Variants in TGFB1 observed in about 807,000 individuals in gnomAD.
TGFB1 encodes the protein transforming growth factor beta-1 proprotein.
TGFB1 carries 19 observed loss-of-function variants against 43.8 expected under a neutral mutation model. The ratio of observed to expected loss-of-function variants is 0.43; its 90% CI spans 0.30 to 0.64. The LOEUF (loss-of-function observed/expected upper bound fraction) is 0.64, where lower values mean the gene tolerates loss of function less well. TGFB1 is among the 30% of genes least tolerant of loss of function. The pLI is 0.11. For missense variants in TGFB1, 445 were observed against 529.8 expected, an observed-to-expected ratio of 0.84 and a Z score of 1.57; for synonymous variants, 221 against 236.3, an observed-to-expected ratio of 0.94 and a Z score of 0.60.
chr19:41,342,516 A>AT (rs55835439), intron 3 of TGFB1, among the ~76,000 whole-genome samples: 220 of 139,954 alleles, frequency 1.6e-3, no homozygotes, highest in Middle Eastern at 0.011. Flanking sequence ...CGCATGGCTA[A>AT]TTTTTTTTTT....
At position 41,344,152 on chromosome 19, in the gene TGFB1, T is replaced by C. The variant is rs540219940; in HGVS notation, c.634+595A>G. Among the ~76,000 whole-genome samples, 427 of 151,824 alleles carry C rather than the reference T, an allele frequency of 2.8e-3. 3 individuals carry two copies. The highest frequency in any genetic ancestry group is 9.8e-3 in the African/African-American group (404 of 41,340). ...CACGTAACAGCATGCATGGCTAATT[T>C]TTGTATTTTTGTGTAGAGACCGGGT... On this transcript the variant is annotated intron_variant, in intron 3 of 6. Transcript: ENST00000221930.
At chr19:41,342,149 G>A in intron 4 of TGFB1, 21 bp downstream of exon 4, 1 of 1,610,748 alleles carries the variant, frequency 6.2e-7, no homozygotes, top group Non-Finnish European at 8.5e-7. Context: ...AACTGGGCAT[G>A]GCCGGGGAAG....
At position 41,352,682 on chromosome 19, in the gene TGFB1, G is replaced by A. The variant is rs746860580; in HGVS notation, c.355+8C>T. 20 of 1,612,494 alleles carry A rather than the reference G, an allele frequency of 1.2e-5. No individual in the cohort carries two copies. The highest frequency in any genetic ancestry group is 2.2e-5 in the East Asian group (1 of 44,826). On this transcript the variant is annotated splice_region_variant and intron_variant, in intron 1 of 6. Coordinates refer to ENST00000221930, the MANE Select transcript of TGFB1 (RefSeq NM_000660.7). ...CCCCTCCCGGCTCCCCTGCCCCTCC[G>A]AGCTCACCGTTGTGGGTTTCCACCA...
chr19:41,342,955 T>C (rs777413009), intron 3 of TGFB1, among the ~76,000 whole-genome samples: 6 of 150,400 alleles, frequency 4.0e-5, no homozygotes, highest in Non-Finnish European at 8.9e-5. Flanking sequence ...CCAGCATCAA[T>C]CTCTTGAATG....
At chr19:41,346,283 A>G (rs1430018691) in intron 2 of TGFB1, among the ~76,000 whole-genome samples, 3 of 152,092 alleles carry the variant, frequency 2.0e-5, no homozygotes, top group South Asian at 2.1e-4. Context: ...CCAGGAAGCA[A>G]AGGTTGTGGT....
intron 1 of TGFB1, among the ~76,000 whole-genome samples, chr19:41,351,801 G>A (rs1277971262): frequency 9.0e-6 from 1 of 110,706 alleles, no homozygotes; most frequent in Non-Finnish European, 2.0e-5. Context: ...ATCCTGCGGG[G>A]AATGCAGCGT....
chr19:41,331,894 G>A (rs1027147780), intron 6 of TGFB1, among the ~76,000 whole-genome samples: 1 of 150,816 alleles, frequency 6.6e-6, no homozygotes, highest in Non-Finnish European at 1.5e-5. Context: ...CCATCCCTCT[G>A]TTACTTCACT....
At chr19:41,350,175 T>A (rs2038168031) in intron 1 of TGFB1, among the ~76,000 whole-genome samples, 1 of 151,934 alleles carries the variant, frequency 6.6e-6, no homozygotes, top group Non-Finnish European at 1.5e-5. Context: ...AACCCCTAAG[T>A]GATTCTTCTA....
chr19:41,337,148 T>C (rs1398073143), intron 5 of TGFB1, among the ~76,000 whole-genome samples: 1 of 151,892 alleles, frequency 6.6e-6, no homozygotes, highest in Non-Finnish European at 1.5e-5. Flanking sequence ...AATTATTTAT[T>C]TATTTTTTTG....
In TGFB1 at chr19:41,344,727, G is replaced by A. The variant is rs2038096254; in HGVS notation, c.634+20C>T. ...GGACCCCAGGGAGAAACAGGGGTGGGACACACAAGTAATCCTCACCTCCAC... is the reference window on the plus strand; with the variant it reads ...GGACCCCAGGGAGAAACAGGGGTGGAACACACAAGTAATCCTCACCTCCAC... On this transcript the variant is annotated intron_variant, in intron 3 of 6. Transcript: ENST00000221930. 12 of 1,608,404 alleles carry A rather than the reference G, an allele frequency of 7.5e-6. No homozygotes were observed. The East Asian group carries it at 8.9e-5, about 12-fold the overall frequency.
intron 3 of TGFB1, 62 bp from the exon 4 acceptor site, chr19:41,342,309 G>A: frequency 6.5e-7 from 1 of 1,532,144 alleles, no homozygotes. Context: ...CCTGGAGGAA[G>A]AGGAAGGAAG....
chr19:41,348,459 G>A lies in TGFB1; in HGVS notation c.356-4C>T, dbSNP rs2038143184. 1 of 1,612,472 alleles carries A rather than the reference G, an allele frequency of 6.2e-7. No homozygotes were observed. Among genetic ancestry groups the A allele is most frequent in the Non-Finnish European group, 8.5e-7 (1 of 1,179,186 alleles). ...TGCTTGAACTTGTCATAGATTTCTA[G>A]CAGGGAGAAATGAAGGGAGGCGATC... On this transcript the variant is annotated splice_polypyrimidine_tract_variant and splice_region_variant and intron_variant, in intron 1 of 6. Coordinates refer to ENST00000221930, the MANE Select transcript of TGFB1 (RefSeq NM_000660.7).
At position 41,330,746 on chromosome 19, in the gene TGFB1, G is replaced by T; in HGVS notation, c.*306C>A. 1 of 353,364 alleles carries T rather than the reference G, an allele frequency of 2.8e-6. No individual in the cohort carries two copies. Among genetic ancestry groups the T allele is most frequent in the Admixed American group, 4.7e-5 (1 of 21,190 alleles). 21.9% of individuals were successfully genotyped at this position (353,364 alleles called of 1,614,324 possible). ...CAGTGCCCAAGGTGCTCAATAAATA[G>T]ATCTAACTACAGTAGTGTTCCCCAC... On this transcript the variant is annotated 3_prime_UTR_variant, in exon 7 of 7. Coordinates refer to ENST00000221930, the MANE Select transcript of TGFB1 (RefSeq NM_000660.7).
At position 41,331,051 on chromosome 19, in the gene TGFB1, C is replaced by T. The variant is rs971141474; in HGVS notation, c.*1G>A. ...GGGGCGGGGCGGGGCGGGGCGGGAC[C>T]TCAGCTGCACTTGCAGGAGCGCACG... is the stretch of plus-strand genomic sequence containing the variant. On this transcript the variant is annotated 3_prime_UTR_variant, in exon 7 of 7. Coordinates refer to ENST00000221930, the MANE Select transcript of TGFB1 (RefSeq NM_000660.7). The T allele has an allele frequency of 9.7e-6, 15 of 1,554,196 alleles. No homozygotes were observed. In the African/African-American group the frequency reaches 1.8e-4, roughly 18 times the overall value.
intron 6 of TGFB1, 74 bp from the exon 7 acceptor site, chr19:41,331,284 C>T: frequency 7.0e-7 from 1 of 1,421,840 alleles, no homozygotes; most frequent in Non-Finnish European, 9.2e-7. Flanking sequence ...CCCCATCCCC[C>T]ACCCGCTACC....
intron 1 of TGFB1, among the ~76,000 whole-genome samples, chr19:41,350,233 G>T (rs1368970116): frequency 1.3e-5 from 2 of 151,836 alleles, no homozygotes; most frequent in Non-Finnish European, 2.9e-5. Context: ...TCCCCAGCTG[G>T]TTAGGGAAAG....
intron 5 of TGFB1, 39 bp downstream of exon 5, chr19:41,341,844 C>T (rs201842373): frequency 1.9e-6 from 3 of 1,611,846 alleles, no homozygotes; most frequent in Non-Finnish European, 1.7e-6. Flanking sequence ...CAGTCATGCC[C>T]CCAGCCTGGA....
chr19:41,331,476 C>T (rs987692235), intron 6 of TGFB1, among the ~76,000 whole-genome samples: 3 of 151,644 alleles, frequency 2.0e-5, no homozygotes, highest in Non-Finnish European at 4.4e-5. Flanking sequence ...GATCATGGCT[C>T]GCTGCAGCCT....
chr19:41,347,101 C>T (rs2038124768), intron 2 of TGFB1, among the ~76,000 whole-genome samples: 2 of 152,160 alleles, frequency 1.3e-5, no homozygotes, highest in Admixed American at 1.3e-4. Context: ...CAGTTCACTA[C>T]AGCCTCGACC....
Sources: allele counts gnomAD v4.1 joint callset (sites outside exome capture counted in the v4.1 genomes callset), GRCh38; gene constraint gnomAD v4.1.1; transcripts MANE v1.5; gene names NCBI Gene and HGNC (gene_info 2026-07-23, HGNC 2026-07-21).